Variants in MZT2A observed in about 807,000 individuals in gnomAD.
The protein encoded by MZT2A is mitotic-spindle organizing protein 2A.
Under a neutral mutation model 12.4 loss-of-function variants are expected in MZT2A, and 8 were observed. That is an observed-to-expected ratio of 0.64 (90% CI 0.38 to 1.16). MZT2A has a LOEUF of 1.16. MZT2A is among the 50% of genes most tolerant of loss of function. The pLI is 0.01. For missense variants in MZT2A, 181 were observed against 223.6 expected, an observed-to-expected ratio of 0.81 and a Z score of 1.22; for synonymous variants, 88 against 107.5, an observed-to-expected ratio of 0.82 and a Z score of 1.12.
chr2:131,474,203 T>A (rs1435548783), intron 2 of MZT2A, among the ~76,000 whole-genome samples: 1 of 151,176 alleles, frequency 6.6e-6, no homozygotes, highest in Non-Finnish European at 1.5e-5. Context: ...GTTCATGCCA[T>A]CCTCCTGCCT....
chr2:131,478,416 TC>T, intron 2 of MZT2A: 1 of 1,579,928 alleles, frequency 6.3e-7, no homozygotes, highest in Non-Finnish European at 8.6e-7. Context: ...ATGGCAGCTT[TC>T]CTGAGAGGGT....
chr2:131,484,185 A>G lies in MZT2A; in HGVS notation c.353T>C (p.Val118Ala), dbSNP rs539698859. The part of the protein sequence containing the change: ...RDKGSAALGG[V>A]LALAERSNHE... The stretch of plus-strand genomic sequence containing the variant: ...GTTGCTGCGTTCCGCCAGGGCCAAT[A>G]CTCCCCCGAGGGCAGCGCTGCCTTT... Residue 118 changes from valine (V) to alanine (A), a missense_variant, in exon 3 of 3, where the codon GTA (valine) becomes GCA (alanine). By Grantham distance (64) the Val-to-Ala change is moderately conservative. Around this residue, in one of 3 missense-constraint regions of MZT2A, gnomAD observed 72 missense variants for 76.9 expected, o/e 0.94. Coordinates refer to ENST00000309451, the MANE Select transcript of MZT2A (RefSeq NM_001085365.2). 10 of 1,613,520 alleles carry G rather than the reference A, an allele frequency of 6.2e-6. No individual in the cohort carries two copies. The highest frequency in any genetic ancestry group is 1.7e-4 in the Middle Eastern group (1 of 6,060).
downstream of MZT2A, among the ~76,000 whole-genome samples, chr2:131,483,176 C>A (rs185959867): frequency 6.7e-4 from 102 of 152,306 alleles, no homozygotes; most frequent in African/African-American, 2.4e-3. Flanking sequence ...GGGTTTTCAA[C>A]TGAATCTGTG....
At chr2:131,493,506 C>A (rs535727099), upstream of MZT2A, among the ~76,000 whole-genome samples, 2 of 152,214 alleles carry the variant, frequency 1.3e-5, no homozygotes, top group Admixed American at 6.5e-5. Context: ...TCGACCCTTC[C>A]CCTGTGCGCT....
At chr2:131,480,799 A>G (rs764346577), downstream of MZT2A, 2 of 1,581,294 alleles carry the variant, frequency 1.3e-6, no homozygotes, top group South Asian at 2.3e-5. Flanking sequence ...GATGCACAAA[A>G]TAACACTGGC....
At chr2:131,482,070 A>G (rs1241028623), downstream of MZT2A, among the ~76,000 whole-genome samples, 3 of 152,210 alleles carry the variant, frequency 2.0e-5, no homozygotes, top group Non-Finnish European at 4.4e-5. Flanking sequence ...AGCAGCATTC[A>G]TATGACCCTT....
intron 2 of MZT2A, among the ~76,000 whole-genome samples, chr2:131,475,905 G>A (rs1446888076): frequency 6.6e-6 from 1 of 151,944 alleles, no homozygotes; most frequent in Non-Finnish European, 1.5e-5. Context: ...CTGGTCAGAA[G>A]ACACCCCGGA....
Position 131,489,369 on chromosome 2 carries a change from T to TA in MZT2A, c.319+2506_319+2507insT, listed in dbSNP as rs1491564270. 3.7e-5 allele frequency: 3 copies of TA among 81,226 alleles called. No individual in the cohort carries two copies. In the East Asian group the frequency reaches 7.1e-4, roughly 19 times the overall value. 5.0% of individuals were successfully genotyped at this position (81,226 alleles called of 1,614,324 possible). A position where few individuals can be genotyped will look rare whatever the true frequency, so the allele number is the denominator to read the frequency against. The stretch of plus-strand genomic sequence containing the variant: ...GCCACCACCACGCCCACCTGGCTAG[T>TA]TTTTTTTTTTTTTGAGATGGAGTCT... On this transcript the variant is annotated intron_variant, in intron 2 of 2. Transcript: ENST00000309451.
At chr2:131,484,297 G>T (rs1678966763) in intron 2 of MZT2A, 79 bp from the exon 3 acceptor site, 1 of 1,568,982 alleles carries the variant, frequency 6.4e-7, no homozygotes, top group East Asian at 2.3e-5. Context: ...TGCTCCTTGG[G>T]CAACATTTGT....
At chr2:131,487,582 A>G (rs574994488) in intron 2 of MZT2A, among the ~76,000 whole-genome samples, 1 of 152,358 alleles carries the variant, frequency 6.6e-6, no homozygotes, top group Non-Finnish European at 1.5e-5. Flanking sequence ...GTCAGTACAT[A>G]AATTATTCAT....
chr2:131,485,073 C>G (rs1484039253), intron 2 of MZT2A, among the ~76,000 whole-genome samples: 1 of 152,184 alleles, frequency 6.6e-6, no homozygotes, highest in Non-Finnish European at 1.5e-5. Flanking sequence ...GCCCGGGTAG[C>G]AGGCTTGCCC....
chr2:131,476,170 T>C, intron 2 of MZT2A: 3 of 1,613,792 alleles, frequency 1.9e-6, no homozygotes, highest in Non-Finnish European at 2.5e-6. Flanking sequence ...GGTCTGGCAG[T>C]AGCGTTGGGC....
At chr2:131,490,570 C>G in intron 2 of MZT2A, 1 of 1,521,256 alleles carries the variant, frequency 6.6e-7, no homozygotes, top group Non-Finnish European at 8.8e-7. Flanking sequence ...AGAAATAGTG[C>G]CCTGTGGCTA....
intron 4 of MZT2A, chr2:131,470,051 G>A (rs1193200327): frequency 2.9e-5 from 10 of 346,106 alleles, no homozygotes; most frequent in East Asian, 2.3e-4. Context: ...CCATCCACCC[G>A]CCTCGACCTC....
chr2:131,475,641 T>C (rs1028553944), intron 2 of MZT2A, among the ~76,000 whole-genome samples: 5 of 152,162 alleles, frequency 3.3e-5, no homozygotes, highest in African/African-American at 9.7e-5. Flanking sequence ...CGTTTTCTCC[T>C]TTTGGGTCAC....
At chr2:131,492,427 A>C (rs562586133), upstream of MZT2A, 3,554 of 1,205,362 alleles carry the variant, frequency 2.9e-3, 13 homozygotes, top group South Asian at 0.011. Context: ...CCCCTAGCGG[A>C]TGCGCCCACC....
chr2:131,481,804 G>A (rs1030114338), downstream of MZT2A, among the ~76,000 whole-genome samples: 4 of 152,202 alleles, frequency 2.6e-5, no homozygotes, highest in South Asian at 2.1e-4. Context: ...CTGGCCTCAC[G>A]TGATCTGCCC....
downstream of MZT2A, among the ~76,000 whole-genome samples, chr2:131,481,188 G>C (rs1678850824): frequency 6.6e-6 from 1 of 152,178 alleles, no homozygotes; most frequent in Admixed American, 6.5e-5. Context: ...ACAGTCGTGA[G>C]CCACTGCACC....
chr2:131,490,425 C>G (rs1028104699), intron 2 of MZT2A: 1 of 1,270,880 alleles, frequency 7.9e-7, no homozygotes, highest in Non-Finnish European at 1.0e-6. Flanking sequence ...GGCTGGCTGT[C>G]TTCCCCTGGA....
Sources: gnomAD v4.1 joint callset for allele counts (sites outside exome capture counted in the v4.1 genomes callset) on GRCh38, gnomAD v4.1.1 for gene constraint, gnomAD v4.1.1 regional missense constraint, MANE v1.5 for transcripts, NCBI Gene and HGNC (gene_info 2026-07-23, HGNC 2026-07-21) for gene names.